Variants in CSMD1 observed in about 807,000 individuals in gnomAD.
CSMD1 encodes the protein CUB and sushi domain-containing protein 1.
Under a neutral mutation model 417.5 loss-of-function variants are expected in CSMD1, and 213 were observed. That is an observed-to-expected ratio of 0.51 (90% CI 0.46 to 0.57). CSMD1 has a LOEUF of 0.57. CSMD1 is among the 20% of genes least tolerant of loss of function. The pLI is 0.00. For missense variants in CSMD1, 6,923 were observed against 4,529.7 expected (o/e 1.53, Z -15.17); for synonymous variants, 2,862 against 1,736.8 (o/e 1.65, Z -16.11).
chr8:3,426,344 C>G (rs535125730), intron 12 of CSMD1, among the ~76,000 whole-genome samples: 1 of 152,280 alleles, frequency 6.6e-6, no homozygotes, highest in East Asian at 1.9e-4. Context: ...ACGTATCAGA[C>G]AGTGATCATG....
intron 3 of CSMD1, among the ~76,000 whole-genome samples, chr8:4,293,187 C>A (rs896317529): frequency 5.3e-5 from 8 of 152,004 alleles, no homozygotes; most frequent in African/African-American, 1.9e-4. Context: ...ACCTCCCTGG[C>A]ACAGAGAGAG....
chr8:4,933,396 C>A (rs918952689), intron 1 of CSMD1, among the ~76,000 whole-genome samples: 42 of 152,222 alleles, frequency 2.8e-4, no homozygotes, highest in African/African-American at 8.2e-4. Context: ...GCCATCTGAC[C>A]TTATGGGGAA....
intron 8 of CSMD1, among the ~76,000 whole-genome samples, chr8:3,611,136 G>A (rs1801872425): frequency 6.6e-6 from 1 of 151,034 alleles, no homozygotes. Flanking sequence ...AATGCTAAAT[G>A]ACGAGTTAAT....
chr8:3,436,744 G>A (rs1447876967), intron 12 of CSMD1, among the ~76,000 whole-genome samples: 1 of 152,104 alleles, frequency 6.6e-6, no homozygotes, highest in Non-Finnish European at 1.5e-5. Flanking sequence ...CATTGGCAAT[G>A]AGCATTTTTA....
chr8:3,593,040 G>T (rs899723526), intron 8 of CSMD1, among the ~76,000 whole-genome samples: 1 of 152,298 alleles, frequency 6.6e-6, no homozygotes, highest in Non-Finnish European at 1.5e-5. Context: ...GGAGAGGCTG[G>T]AAGCCCTGGC....
At chr8:4,843,141 A>G (rs1299482484) in intron 1 of CSMD1, among the ~76,000 whole-genome samples, 1 of 152,198 alleles carries the variant, frequency 6.6e-6, no homozygotes, top group Non-Finnish European at 1.5e-5. Context: ...AAACATGCCC[A>G]AGGGTACACT....
intron 2 of CSMD1, among the ~76,000 whole-genome samples, chr8:4,437,624 G>C (rs1184419768): frequency 6.6e-6 from 1 of 152,142 alleles, no homozygotes; most frequent in African/African-American, 2.4e-5. Flanking sequence ...TGTTCACCAA[G>C]CCTTTCCAGA....
intron 5 of CSMD1, among the ~76,000 whole-genome samples, chr8:3,892,450 CCT>C (rs1164477359): frequency 6.6e-6 from 1 of 151,998 alleles, no homozygotes; most frequent in Non-Finnish European, 1.5e-5. Flanking sequence ...CTTCATAGCC[CCT>C]CATTCATTCA....
intron 3 of CSMD1, among the ~76,000 whole-genome samples, chr8:4,344,101 C>A (rs137858284): frequency 1.3e-5 from 2 of 152,170 alleles, no homozygotes; most frequent in African/African-American, 4.8e-5. Context: ...ACCAGCACCT[C>A]GAGTAAAAGG....
At chr8:4,871,871 G>C (rs1426595027) in intron 1 of CSMD1, among the ~76,000 whole-genome samples, 1 of 152,008 alleles carries the variant, frequency 6.6e-6, no homozygotes, top group Admixed American at 6.5e-5. Flanking sequence ...GTTGGTCATT[G>C]CTTGATGGAT....
chr8:3,367,275 G>A (rs1434743377), intron 19 of CSMD1, 28 bp from the exon 20 acceptor site: 1 of 1,496,204 alleles, frequency 6.7e-7, no homozygotes, highest in Non-Finnish European at 9.2e-7. Context: ...GGGAGAGAGA[G>A]AGAGACAGAG....
At chr8:4,328,031 G>A (rs2134953) in intron 3 of CSMD1, among the ~76,000 whole-genome samples, 149,288 of 152,250 alleles carry the variant, frequency 0.98, 73,253 homozygotes, top group Middle Eastern at 1. Flanking sequence ...GGTACTTAGC[G>A]TCAGTTATTG....
chr8:3,512,600 C>CA (rs1204182530), intron 10 of CSMD1, among the ~76,000 whole-genome samples: 1 of 127,692 alleles, frequency 7.8e-6, no homozygotes, highest in Non-Finnish European at 1.6e-5. Context: ...TAATTTTTTT[C>CA]TTTTTTTTTT....
intron 10 of CSMD1, among the ~76,000 whole-genome samples, chr8:3,505,761 C>T (rs558953646): frequency 3.5e-4 from 53 of 152,244 alleles, no homozygotes; most frequent in African/African-American, 1.2e-3. Flanking sequence ...ACTTAGCAAA[C>T]AGGCTATTTT....
chr8:3,577,549 T>C (rs1563168792), intron 9 of CSMD1, among the ~76,000 whole-genome samples: 1 of 152,242 alleles, frequency 6.6e-6, no homozygotes, highest in African/African-American at 2.4e-5. Flanking sequence ...GATTTGTGTC[T>C]GATTTGTTCA....
In CSMD1 at chr8:3,367,180, A is replaced by C; in HGVS notation, c.2967T>G (p.Asp989Glu). Residue 989 changes from aspartate to glutamate, a missense_variant, in exon 20 of 70, where the codon GAT (aspartate) becomes GAG (glutamate). Transcript: ENST00000635120. Reference protein sequence around the residue: ...SSHDYLLITEDGSFSEPVARL... With the variant: ...SSHDYLLITEEGSFSEPVARL... The stretch of plus-strand genomic sequence containing the variant: ...TGGCAACGGGCTCGGAAAAACTTCC[A>C]TCCTCTGTGATCAGTAAATAGTCGT... 1.2e-6 allele frequency: 2 copies of C among 1,613,676 alleles called. No homozygotes were observed. Among genetic ancestry groups the C allele is most frequent in the Non-Finnish European group, 1.7e-6 (2 of 1,179,758 alleles).
chr8:2,951,659 A>G (rs1001760323), intron 65 of CSMD1, among the ~76,000 whole-genome samples: 2 of 152,168 alleles, frequency 1.3e-5, no homozygotes, highest in Non-Finnish European at 2.9e-5. Flanking sequence ...CTGATATTTC[A>G]ATGATATCCA....
intron 3 of CSMD1, among the ~76,000 whole-genome samples, chr8:4,155,064 G>A (rs867990457): frequency 1.3e-5 from 2 of 152,178 alleles, no homozygotes; most frequent in Admixed American, 6.5e-5. Flanking sequence ...TCCTGTTCCA[G>A]GCCCGATTTG....
chr8:3,733,348 A>ATT (rs1228477260), intron 6 of CSMD1, among the ~76,000 whole-genome samples: 1 of 148,000 alleles, frequency 6.8e-6, no homozygotes. Context: ...AGACATATAT[A>ATT]TTATATATAT....
Sources: allele counts gnomAD v4.1 joint callset (sites outside exome capture counted in the v4.1 genomes callset), GRCh38; gene constraint gnomAD v4.1.1; transcripts MANE v1.5; gene names NCBI Gene and HGNC (gene_info 2026-07-23, HGNC 2026-07-21).